FOXJ3: variants seen among roughly 807,000 people sequenced by gnomAD.
FOXJ3 encodes the protein forkhead box J3, also known as forkhead box protein J3.
A neutral mutation model predicts 76.1 loss-of-function variants in FOXJ3; 22 were observed. The observed-to-expected ratio is 0.29, with a 90% CI of 0.21 to 0.41. FOXJ3 has a LOEUF of 0.41. Ranked by LOEUF, FOXJ3 falls within the 10% of genes least tolerant of loss-of-function variation. FOXJ3 has a pLI of 1.00. For synonymous variants in FOXJ3, 269 were observed against 261.2 expected (o/e 1.03, Z -0.29); for missense variants, 613 against 762.1 (o/e 0.80, Z 2.30).
chr1:42,307,142 A>T (rs12083664), intron 2 of FOXJ3, among the ~76,000 whole-genome samples: 3,556 of 152,336 alleles, frequency 0.023, 140 homozygotes, highest in African/African-American at 0.081. Context: ...TTTCCCCAGC[A>T]AAGGCTTCTT....
At chr1:42,302,002 A>G (rs748632543) in intron 2 of FOXJ3, among the ~76,000 whole-genome samples, 1 of 151,952 alleles carries the variant, frequency 6.6e-6, no homozygotes, top group East Asian at 1.9e-4. Flanking sequence ...TGTCTATAAT[A>G]TATGTTGCGT....
chr1:42,324,794 T>C (rs1354893332), intron 1 of FOXJ3, among the ~76,000 whole-genome samples: 2 of 152,196 alleles, frequency 1.3e-5, no homozygotes, highest in Admixed American at 1.3e-4. Flanking sequence ...CACTTAACAA[T>C]GAATGGAGCT....
At chr1:42,265,669 C>G (rs908738635) in intron 3 of FOXJ3, among the ~76,000 whole-genome samples, 1 of 152,064 alleles carries the variant, frequency 6.6e-6, no homozygotes, top group African/African-American at 2.4e-5. Context: ...TCCAAATGGT[C>G]TGCAAGACAC....
intron 1 of FOXJ3, among the ~76,000 whole-genome samples, chr1:42,334,697 G>A (rs1377434036): frequency 6.6e-6 from 1 of 152,112 alleles, no homozygotes; most frequent in Admixed American, 6.5e-5. Context: ...CAAGGGACAG[G>A]TCATGGAGGG....
chr1:42,265,366 T>C (rs1426047899), intron 3 of FOXJ3, among the ~76,000 whole-genome samples, 177 bp from the exon 4 acceptor site: 1 of 152,184 alleles, frequency 6.6e-6, no homozygotes, highest in African/African-American at 2.4e-5. Context: ...ATGAATGCTA[T>C]GAGGGGAAGC....
intron 2 of FOXJ3, among the ~76,000 whole-genome samples, chr1:42,308,458 C>T (rs1444342676): frequency 2.0e-5 from 3 of 152,150 alleles, no homozygotes; most frequent in Admixed American, 6.6e-5. Context: ...TAAGAAAAAT[C>T]GGTGACAGAC....
At chr1:42,306,962 T>C (rs1654509459) in intron 2 of FOXJ3, among the ~76,000 whole-genome samples, 1 of 152,108 alleles carries the variant, frequency 6.6e-6, no homozygotes, top group African/African-American at 2.4e-5. Flanking sequence ...CCCCTACCCG[T>C]ATTCTGCTTT....
At chr1:42,249,590 T>C (rs1229838552) in intron 4 of FOXJ3, among the ~76,000 whole-genome samples, 1 of 152,204 alleles carries the variant, frequency 6.6e-6, no homozygotes, top group African/African-American at 2.4e-5. Flanking sequence ...AACGTACAAT[T>C]TGAAAAGTTT....
intron 6 of FOXJ3, among the ~76,000 whole-genome samples, chr1:42,204,319 T>C (rs1646819689): frequency 6.6e-6 from 1 of 152,130 alleles, no homozygotes; most frequent in Non-Finnish European, 1.5e-5. Flanking sequence ...TGTGGCTATG[T>C]ATGTCTGGTA....
chr1:42,328,658 C>T (rs1382540698), intron 1 of FOXJ3, among the ~76,000 whole-genome samples: 1 of 149,912 alleles, frequency 6.7e-6, no homozygotes, highest in Non-Finnish European at 1.5e-5. Flanking sequence ...TCTCATATCA[C>T]ATATTCATAC....
chr1:42,251,746 T>C (rs899121967), intron 4 of FOXJ3, among the ~76,000 whole-genome samples: 10 of 136,494 alleles, frequency 7.3e-5, no homozygotes, highest in South Asian at 2.5e-4. Flanking sequence ...TGAGACGGAG[T>C]TTTGCTCTGT....
Position 42,188,862 on chromosome 1 carries a change from TC to T in FOXJ3, c.1519del (p.Asp507IlefsTer47). On this transcript the variant is annotated frameshift_variant, in exon 11 of 13. Transcript: ENST00000361346. LOFTEE classifies it high-confidence loss of function. The stretch of plus-strand genomic sequence containing the variant: ...GAACTGATTAAGAGAAGAACAAAGA[TC>T]GGCAAACTGAACCTGGTCTAAAGAC... ...NWSLDQVQFA[D>X]LCSSLNQFFT... 1 of 1,613,428 alleles carries T rather than the reference TC, an allele frequency of 6.2e-7. No individual in the cohort carries two copies. The highest frequency in any genetic ancestry group is 8.5e-7 in the Non-Finnish European group (1 of 1,179,492).
chr1:42,258,294 AG>A (rs1650763681), intron 4 of FOXJ3, among the ~76,000 whole-genome samples: 1 of 152,200 alleles, frequency 6.6e-6, no homozygotes. Flanking sequence ...CCAACTTCTT[AG>A]GATGCTGTTC....
intron 8 of FOXJ3, among the ~76,000 whole-genome samples, chr1:42,193,026 AG>A (rs1646580682): frequency 6.6e-6 from 1 of 152,192 alleles, no homozygotes; most frequent in South Asian, 2.1e-4. Context: ...ATAAAATCCT[AG>A]CATTTTACAA....
chr1:42,230,856 T>C (rs1325985085), intron 4 of FOXJ3, among the ~76,000 whole-genome samples: 2 of 152,022 alleles, frequency 1.3e-5, no homozygotes, highest in Admixed American at 6.6e-5. Context: ...TGGATATATA[T>C]CCAAAAGATA....
chr1:42,250,263 G>C (rs1340813843), intron 4 of FOXJ3, among the ~76,000 whole-genome samples: 7 of 152,216 alleles, frequency 4.6e-5, no homozygotes, highest in African/African-American at 1.7e-4. Flanking sequence ...ATAAAAACCA[G>C]GATCTGAAAA....
intron 9 of FOXJ3, 75 bp from the exon 10 acceptor site, chr1:42,189,479 C>T (rs1358507160): frequency 1.9e-6 from 2 of 1,028,830 alleles, no homozygotes; most frequent in Non-Finnish European, 3.0e-6. Flanking sequence ...CGATGAGCTG[C>T]CCTTATTCCT....
chr1:42,252,459 C>A (rs2124574801), intron 4 of FOXJ3, among the ~76,000 whole-genome samples: 1 of 152,252 alleles, frequency 6.6e-6, no homozygotes. Flanking sequence ...TCTGTGGGAT[C>A]AGTGGTGATA....
chr1:42,182,070 T>C (rs746743947), intron 11 of FOXJ3, 46 bp from the exon 12 acceptor site: 4 of 1,059,262 alleles, frequency 3.8e-6, no homozygotes, highest in African/African-American at 3.1e-5. Flanking sequence ...TTACCACAAA[T>C]AAAACAAATG....
Sources: allele counts gnomAD v4.1 joint callset (sites outside exome capture counted in the v4.1 genomes callset), GRCh38; gene constraint gnomAD v4.1.1; transcripts MANE v1.5; gene names NCBI Gene and HGNC (gene_info 2026-07-23, HGNC 2026-07-21).